The following TMEM209 variants were observed in gnomAD, a reference collection of about 807,000 sequenced individuals.
TMEM209 encodes testicular tissue protein Li 202.
TMEM209 carries 65 observed loss-of-function variants against 76.2 expected under a neutral mutation model. The observed-to-expected ratio is 0.85, with a 90% CI of 0.70 to 1.05. The LOEUF (loss-of-function observed/expected upper bound fraction) is 1.05, where lower values mean the gene tolerates loss of function less well. Ranked by LOEUF, TMEM209 falls within the 50% of genes least tolerant of loss-of-function variation. The pLI, the probability that TMEM209 is intolerant of heterozygous loss-of-function variation, is 0.00. For synonymous variants in TMEM209, 239 were observed against 237.6 expected (o/e 1.01, Z -0.06); for missense variants, 623 against 685.5 (o/e 0.91, Z 1.02).
intron 9 of TMEM209, 93 bp downstream of exon 9, chr7:130,181,530 G>GT (rs761825626): frequency 7.2e-5 from 78 of 1,080,498 alleles, no homozygotes; most frequent in Admixed American, 2.3e-4. Context: ...TCACCCCAAG[G>GT]TAACAAAATA....
Position 130,165,111 on chromosome 7 carries a change from ACATTTCTCTTC to A in TMEM209, c.*1329_*1339del, listed in dbSNP as rs1310754998. 1 of 152,216 alleles carries A rather than the reference ACATTTCTCTTC, an allele frequency of 6.6e-6. No homozygotes were observed. Among genetic ancestry groups the A allele is most frequent in the Non-Finnish European group, 1.5e-5 (1 of 68,032 alleles). The allele number at this position is 152,216 out of a possible 1,614,324, so 9.4% of individuals were successfully genotyped here. On this transcript the variant is annotated 3_prime_UTR_variant, in exon 15 of 15. Transcript: ENST00000397622. ...ACTGCAGATAACAAAAAATATACTT[ACATTTCTCTTC>A]CAGAGAGTAATGACTGTATTCAAAG...
chr7:130,172,348 T>A (rs1797097331), intron 13 of TMEM209, among the ~76,000 whole-genome samples: 2 of 152,072 alleles, frequency 1.3e-5, no homozygotes, highest in African/African-American at 2.4e-5. Flanking sequence ...TATTTTATTT[T>A]ATTTATTTTT....
chr7:130,203,238 AG>A (rs1353290369), intron 3 of TMEM209, among the ~76,000 whole-genome samples: 2 of 152,192 alleles, frequency 1.3e-5, no homozygotes, highest in African/African-American at 4.8e-5. Flanking sequence ...AAGAGTAGAG[AG>A]TTAGTTAGTG....
chr7:130,187,281 CATT>C (rs1797634228), intron 6 of TMEM209, among the ~76,000 whole-genome samples: 1 of 151,126 alleles, frequency 6.6e-6, no homozygotes, highest in Admixed American at 6.6e-5. Flanking sequence ...AAAAAAACAA[CATT>C]ATTAAGATGA....
At chr7:130,178,767 T>C (rs1797321927) in intron 9 of TMEM209, among the ~76,000 whole-genome samples, 1 of 152,034 alleles carries the variant, frequency 6.6e-6, no homozygotes, top group South Asian at 2.1e-4. Context: ...CCAATGTACT[T>C]TTTTTCTTCT....
At chr7:130,178,604 G>A in intron 9 of TMEM209, 77 bp from the exon 10 acceptor site, 1 of 1,544,952 alleles carries the variant, frequency 6.5e-7, no homozygotes, top group Non-Finnish European at 8.8e-7. Context: ...CTCTTCTCAT[G>A]TGTTCATACA....
At chr7:130,166,924 CAT>C (rs1796900325) in intron 14 of TMEM209, among the ~76,000 whole-genome samples, 1 of 152,122 alleles carries the variant, frequency 6.6e-6, no homozygotes, top group Admixed American at 6.5e-5. Flanking sequence ...AGTGAGTTTT[CAT>C]ATGTGTATTA....
chr7:130,185,289 G>T lies in TMEM209; in HGVS notation c.854C>A (p.Thr285Asn). 1 of 1,614,014 alleles carries T rather than the reference G, an allele frequency of 6.2e-7. No homozygotes were observed. Among genetic ancestry groups the T allele is most frequent in the Non-Finnish European group, 8.5e-7 (1 of 1,179,880 alleles). Residue 285 changes from threonine (T) to asparagine (N), a missense_variant, in exon 7 of 15, where the codon ACT (threonine) becomes AAT (asparagine). Coordinates refer to ENST00000397622, the MANE Select transcript of TMEM209 (RefSeq NM_032842.4). ...AAGCTGATACTGAAACTTCTTTAAA[G>T]TTTGTGCATAATCCCCCATAGAACG... The part of the protein sequence containing the change: ...YSRSMGDYAQ[T>N]LKKFQYQLAC...
intron 13 of TMEM209, among the ~76,000 whole-genome samples, chr7:130,173,243 G>A (rs1180756671): frequency 6.6e-6 from 1 of 152,034 alleles, no homozygotes; most frequent in Non-Finnish European, 1.5e-5. Flanking sequence ...TTGGGAGGCT[G>A]AGGTGGAAGG....
In TMEM209 at chr7:130,185,479, G is replaced by C. The variant is rs1219747530; in HGVS notation, c.776-112C>G. ...AGGAATCAGAAGACCAACCCTCAAG[G>C]AGATTCTCTTCTCCCCAACATAATT... On this transcript the variant is annotated intron_variant, in intron 6 of 14. Transcript: ENST00000397622. 16 of 871,812 alleles carry C rather than the reference G, an allele frequency of 1.8e-5. No homozygotes were observed. In the South Asian group the frequency reaches 3.3e-4, roughly 18 times the overall value. 54.0% of individuals were successfully genotyped at this position (871,812 alleles called of 1,614,324 possible). A position where few individuals can be genotyped will look rare whatever the true frequency, so the allele number is the denominator to read the frequency against.
intron 9 of TMEM209, among the ~76,000 whole-genome samples, chr7:130,181,302 T>C (rs893919664): frequency 6.6e-6 from 1 of 152,194 alleles, no homozygotes; most frequent in Non-Finnish European, 1.5e-5. Context: ...TGCAAAGGAC[T>C]GGGAGAAATG....
intron 10 of TMEM209, among the ~76,000 whole-genome samples, chr7:130,177,724 T>C (rs1797285290): frequency 1.3e-5 from 2 of 152,274 alleles, no homozygotes; most frequent in African/African-American, 4.8e-5. Context: ...GGAGTGTGTA[T>C]ACTATTTTTT....
At chr7:130,172,708 G>A (rs1797110065) in intron 13 of TMEM209, among the ~76,000 whole-genome samples, 1 of 152,012 alleles carries the variant, frequency 6.6e-6, no homozygotes, top group Non-Finnish European at 1.5e-5. Flanking sequence ...CCATTAAGAA[G>A]TATTTTTAGG....
At chr7:130,204,240 C>G in intron 1 of TMEM209, 130 bp from the exon 2 acceptor site, 2 of 1,073,650 alleles carry the variant, frequency 1.9e-6, no homozygotes, top group Non-Finnish European at 2.6e-6. Context: ...AATGTTTTAT[C>G]AAAACTTCTT....
At chr7:130,170,704 C>G (rs1259650187) in intron 13 of TMEM209, among the ~76,000 whole-genome samples, 1 of 152,088 alleles carries the variant, frequency 6.6e-6, no homozygotes, top group Non-Finnish European at 1.5e-5. Context: ...GTAGGAAAGG[C>G]AGACAGTAAA....
chr7:130,201,683 A>T, intron 5 of TMEM209, 167 bp downstream of exon 5: 1 of 830,104 alleles, frequency 1.2e-6, no homozygotes, highest in Non-Finnish European at 1.8e-6. Context: ...CTTTCATTTT[A>T]AGATGTTGTG....
intron 5 of TMEM209, among the ~76,000 whole-genome samples, chr7:130,196,708 A>G (rs928413374): frequency 1.3e-5 from 2 of 152,162 alleles, no homozygotes; most frequent in African/African-American, 4.8e-5. Flanking sequence ...GTAAACTACA[A>G]AGAGCCCTTA....
rs758880550 is a variant in TMEM209, at chr7:130,202,661, G to C, written c.202C>G (p.Leu68Val). The change falls in exon 4 of 15, where the codon CTT becomes GTT. Residue 68 changes from leucine (L) to valine (V), a missense_variant and splice_region_variant. Physicochemically the swap from Leu to Val is conservative, Grantham distance 32. Coordinates refer to ENST00000397622, the MANE Select transcript of TMEM209 (RefSeq NM_032842.4). ...VTYWPLWYIE[L>V]ALASLFSLNA... ...AGGCTGAAGAGAGATGCAAGGGCAA[G>C]CTCTGGAAGAGAACAATTTTTTTTT... The C allele has an allele frequency of 1.1e-5, 17 of 1,609,258 alleles. No homozygotes were observed. The highest frequency in any genetic ancestry group is 1.4e-5 in the Non-Finnish European group (16 of 1,178,506).
At chr7:130,205,292 G>T (rs1361741614) in intron 1 of TMEM209, 81 bp downstream of exon 1, 3 of 1,613,192 alleles carry the variant, frequency 1.9e-6, no homozygotes, top group Non-Finnish European at 2.5e-6. Flanking sequence ...GCTGAACCCA[G>T]GACAGATCAG....
Sources: gnomAD v4.1 joint callset for allele counts (sites outside exome capture counted in the v4.1 genomes callset) on GRCh38, gnomAD v4.1.1 for gene constraint, MANE v1.5 for transcripts, NCBI Gene and HGNC (gene_info 2026-07-23, HGNC 2026-07-21) for gene names.